EPC2: variants seen among roughly 807,000 people sequenced by gnomAD.
The protein encoded by EPC2 is enhancer of polycomb 2.
EPC2 carries 14 observed loss-of-function variants against 92.1 expected under a neutral mutation model. The observed-to-expected ratio is 0.15, with a 90% CI of 0.10 to 0.24. The LOEUF (loss-of-function observed/expected upper bound fraction) is 0.24. Among genes scored for constraint, EPC2 ranks in the 10% least tolerant of loss-of-function variants. The pLI, the probability that EPC2 is intolerant of heterozygous loss-of-function variation, is 1.00. For missense variants in EPC2, 755 were observed against 971.5 expected (o/e 0.78, Z 2.96); for synonymous variants, 340 against 334.7 (o/e 1.02, Z -0.17).
chr2:148,697,753 A>G (rs1235155883), intron 2 of EPC2, among the ~76,000 whole-genome samples: 1 of 152,190 alleles, frequency 6.6e-6, no homozygotes, highest in Non-Finnish European at 1.5e-5. Context: ...ACACAAAATA[A>G]AAGGGTCAGC....
At chr2:148,649,667 A>G (rs1177966733) in intron 1 of EPC2, among the ~76,000 whole-genome samples, 1 of 152,170 alleles carries the variant, frequency 6.6e-6, no homozygotes, top group Non-Finnish European at 1.5e-5. Flanking sequence ...GGAAAAGCTG[A>G]AAGGTCTTGC....
At chr2:148,672,469 A>G (rs925036315) in intron 1 of EPC2, among the ~76,000 whole-genome samples, 17 of 152,098 alleles carry the variant, frequency 1.1e-4, no homozygotes, top group Admixed American at 1.3e-4. Context: ...TTATAGTGAC[A>G]TACTTTTATT....
intron 1 of EPC2, among the ~76,000 whole-genome samples, chr2:148,648,969 G>T (rs567866387): frequency 6.6e-6 from 1 of 152,212 alleles, no homozygotes; most frequent in South Asian, 2.1e-4. Context: ...TCTTTGTAAT[G>T]CTCCTCACGG....
chr2:148,692,265 C>T lies in EPC2; in HGVS notation c.313+1892C>T, dbSNP rs540147863. 17 of 164,958 alleles carry T rather than the reference C, an allele frequency of 1.0e-4. 1 individual carries two copies. The highest frequency in any genetic ancestry group is 3.2e-3 in the Middle Eastern group (1 of 312). The allele number at this position is 164,958 out of a possible 1,614,324, so 10.2% of individuals were successfully genotyped here. ...CACTCTACCTGTCTTCTTTGCTTAT[C>T]GTAGTATCTTTTACATACTTCTGTT... On this transcript the variant is annotated intron_variant, in intron 2 of 13. Transcript: ENST00000258484.
chr2:148,656,032 G>A lies in EPC2; in HGVS notation c.153+10862G>A, dbSNP rs368894198. Among the ~76,000 whole-genome samples the A allele has an allele frequency of 2.3e-5, 3 of 131,728 alleles. No homozygotes were observed. The Admixed American group carries it at 2.5e-4, about 11-fold the overall frequency. 86.4% of individuals were successfully genotyped at this position (131,728 alleles called of 152,430 possible). On this transcript the variant is annotated intron_variant, in intron 1 of 13. Transcript: ENST00000258484. Reference sequence around the variant, plus strand: ...GTGTGTGTGTGTGTGTGTGGGGGGGGGGGGGGTTATTCTAGAAAATTTCTA... The same window carrying A: ...GTGTGTGTGTGTGTGTGTGGGGGGGAGGGGGGTTATTCTAGAAAATTTCTA...
chr2:148,645,193 CCCCCCCTTCCCTCCT>C, intron 1 of EPC2, 23 bp downstream of exon 1: 1 of 1,529,214 alleles, frequency 6.5e-7, no homozygotes, highest in Non-Finnish European at 8.9e-7. Context: ...GTGTTTATTA[CCCCCCCTTCCCTCCT>C]CCCCCCTCCC....
At chr2:148,699,827 AC>A (rs773607446) in intron 2 of EPC2, among the ~76,000 whole-genome samples, 123 of 152,318 alleles carry the variant, frequency 8.1e-4, no homozygotes, top group Non-Finnish European at 1.6e-3. Flanking sequence ...AAGTGGCTGT[AC>A]CATTTTGCAT....
At chr2:148,716,916 A>G (rs539804123) in intron 2 of EPC2, among the ~76,000 whole-genome samples, 1 of 152,160 alleles carries the variant, frequency 6.6e-6, no homozygotes, top group Admixed American at 6.5e-5. Context: ...TCAACTTTAG[A>G]ACTCATTATT....
chr2:148,746,641 A>G (rs901959434), intron 3 of EPC2, among the ~76,000 whole-genome samples: 2 of 152,142 alleles, frequency 1.3e-5, no homozygotes, highest in African/African-American at 4.8e-5. Context: ...TCAATTGACA[A>G]TATTGGAATA....
chr2:148,648,332 T>C (rs1279576795), intron 1 of EPC2, among the ~76,000 whole-genome samples: 2 of 152,372 alleles, frequency 1.3e-5, no homozygotes, highest in East Asian at 3.9e-4. Flanking sequence ...ACTTCTGTTA[T>C]TAAACAGAAT....
intron 2 of EPC2, among the ~76,000 whole-genome samples, chr2:148,739,162 C>T (rs1368275452): frequency 6.6e-6 from 1 of 152,144 alleles, no homozygotes; most frequent in Non-Finnish European, 1.5e-5. Flanking sequence ...TAAACTTTTC[C>T]CTCCTGGAGA....
chr2:148,691,750 A>G (rs1457808158), intron 2 of EPC2: 6 of 925,238 alleles, frequency 6.5e-6, no homozygotes, highest in Non-Finnish European at 1.0e-5. Context: ...GTTCTCAGGA[A>G]GATTTTTTGC....
chr2:148,671,347 C>G (rs1302731341), intron 1 of EPC2, among the ~76,000 whole-genome samples: 2 of 138,230 alleles, frequency 1.4e-5, no homozygotes, highest in Non-Finnish European at 3.0e-5. Flanking sequence ...GGCATGATGG[C>G]TCATGCCTGT....
intron 2 of EPC2, among the ~76,000 whole-genome samples, chr2:148,715,815 G>A (rs1025932114): frequency 1.2e-4 from 18 of 152,194 alleles, no homozygotes; most frequent in Non-Finnish European, 2.4e-4. Flanking sequence ...GTTTTGGGCA[G>A]TGTGACCATT....
At chr2:148,663,283 A>G (rs991829905) in intron 1 of EPC2, among the ~76,000 whole-genome samples, 5 of 149,776 alleles carry the variant, frequency 3.3e-5, no homozygotes, top group Non-Finnish European at 5.9e-5. Flanking sequence ...CAGTGGCGCT[A>G]TCTTGGCTCA....
chr2:148,734,741 A>T (rs1472926654), intron 2 of EPC2, among the ~76,000 whole-genome samples: 1 of 151,232 alleles, frequency 6.6e-6, no homozygotes, highest in Admixed American at 6.6e-5. Context: ...TTATTTTGTC[A>T]TTTCAAGGAA....
chr2:148,754,348 A>C lies in EPC2; in HGVS notation c.666+215A>C, dbSNP rs1015010236. ...GAAATCCTACTTTTCAGTAGCTTCT[A>C]TTGGCCAGTTGTTTACGCTGTTTAT... is the stretch of plus-strand genomic sequence containing the variant. On this transcript the variant is annotated intron_variant, in intron 4 of 13. Coordinates refer to ENST00000258484, the MANE Select transcript of EPC2 (RefSeq NM_015630.4). Among the ~76,000 whole-genome samples the C allele has an allele frequency of 1.3e-5, 2 of 152,286 alleles. 1 individual carries two copies. The highest frequency in any genetic ancestry group is 4.8e-5 in the African/African-American group (2 of 41,576).
At chr2:148,673,992 T>G (rs1039214725) in intron 1 of EPC2, among the ~76,000 whole-genome samples, 5 of 152,246 alleles carry the variant, frequency 3.3e-5, no homozygotes, top group Admixed American at 6.5e-5. Flanking sequence ...TCTTTTGGGT[T>G]GTTTTCTTGA....
intron 3 of EPC2, among the ~76,000 whole-genome samples, chr2:148,744,765 A>C (rs1682948563): frequency 6.6e-6 from 1 of 152,022 alleles, no homozygotes; most frequent in Admixed American, 6.6e-5. Context: ...GTTTTGGTGT[A>C]CCTGTGTGGT....
Sources: allele counts gnomAD v4.1 joint callset (sites outside exome capture counted in the v4.1 genomes callset), GRCh38; gene constraint gnomAD v4.1.1; transcripts MANE v1.5; gene names NCBI Gene and HGNC (gene_info 2026-07-23, HGNC 2026-07-21).